The following CNTN6 variants were observed in gnomAD, a reference collection of about 807,000 sequenced individuals.
CNTN6 encodes the protein contactin-6.
A neutral mutation model predicts 122.8 loss-of-function variants in CNTN6; 137 were observed. That is an observed-to-expected ratio of 1.12 (90% CI 0.97 to 1.29). CNTN6 has a LOEUF of 1.29. CNTN6 is among the 50% of genes most tolerant of loss of function. The pLI is 0.00. For synonymous variants in CNTN6, 570 were observed against 426.0 expected (o/e 1.34, Z -4.16); for missense variants, 1,634 against 1,223.4 (o/e 1.34, Z -5.01).
At chr3:1,292,202 C>T (rs1695438752) in intron 5 of CNTN6, among the ~76,000 whole-genome samples, 1 of 152,098 alleles carries the variant, frequency 6.6e-6, no homozygotes, top group Admixed American at 6.6e-5. Context: ...GCCACGAGTC[C>T]TACTTTTGCC....
At chr3:1,317,408 A>G (rs1330691410) in intron 7 of CNTN6, among the ~76,000 whole-genome samples, 2 of 151,800 alleles carry the variant, frequency 1.3e-5, no homozygotes, top group Non-Finnish European at 2.9e-5. Context: ...ATACAGCAGG[A>G]AAATGACTCA....
chr3:1,390,899 T>G (rs1056530720), intron 20 of CNTN6, among the ~76,000 whole-genome samples: 12 of 150,756 alleles, frequency 8.0e-5, no homozygotes, highest in African/African-American at 2.9e-4. Context: ...GGAGCTGAAA[T>G]TGTGGCAATA....
intron 1 of CNTN6, among the ~76,000 whole-genome samples, chr3:1,104,184 C>A (rs1261626308): frequency 6.6e-6 from 1 of 152,050 alleles, no homozygotes. Flanking sequence ...GGGGGGCTAA[C>A]ATTGTTAATT....
chr3:1,193,626 G>A (rs1169865274), intron 2 of CNTN6, among the ~76,000 whole-genome samples: 1 of 151,780 alleles, frequency 6.6e-6, no homozygotes. Context: ...CTGTTTCTCT[G>A]GGCCTCCATT....
intron 5 of CNTN6, among the ~76,000 whole-genome samples, chr3:1,290,256 T>A (rs1695110098): frequency 6.6e-6 from 1 of 152,232 alleles, no homozygotes; most frequent in African/African-American, 2.4e-5. Context: ...TAGCAATAAG[T>A]ACTTTACAGT....
rs146147494 is a variant in CNTN6, at chr3:1,277,921, A to G, written c.359-492A>G. ...CTGCTTTGTAAAGGAATAAATCAAG[A>G]GAAAATTGAAAATACACTTTTTGTC... On this transcript the variant is annotated intron_variant, in intron 4 of 22. Coordinates refer to ENST00000446702, the MANE Select transcript of CNTN6 (RefSeq NM_001289080.2). Among the ~76,000 whole-genome samples, 105 of 152,332 alleles carry G rather than the reference A, an allele frequency of 6.9e-4. No individual in the cohort carries two copies. In the East Asian group the frequency reaches 0.019, roughly 27 times the overall value.
At chr3:1,356,309 T>C (rs1045042456) in intron 12 of CNTN6, among the ~76,000 whole-genome samples, 2 of 151,940 alleles carry the variant, frequency 1.3e-5, no homozygotes, top group Admixed American at 1.3e-4. Flanking sequence ...ATTGCTTCAG[T>C]GTTATTTTCA....
At chr3:1,268,606 CAAAAAAAAAAAA>C (rs71690299) in intron 4 of CNTN6, among the ~76,000 whole-genome samples, 1 of 99,528 alleles carries the variant, frequency 1.0e-5, no homozygotes, top group South Asian at 3.2e-4. Flanking sequence ...GACTCCGTCT[CAAAAAAAAAAAA>C]AAAAAATACA....
At chr3:1,388,250 G>A (rs1001641854) in intron 20 of CNTN6, among the ~76,000 whole-genome samples, 2 of 148,854 alleles carry the variant, frequency 1.3e-5, no homozygotes, top group Non-Finnish European at 3.0e-5. Flanking sequence ...GTGGGTCCCT[G>A]ACCCCTGACC....
chr3:1,131,034 G>T (rs958685473), intron 1 of CNTN6, among the ~76,000 whole-genome samples: 1 of 152,110 alleles, frequency 6.6e-6, no homozygotes, highest in African/African-American at 2.4e-5. Context: ...CTATCAGGTT[G>T]TTCCAGCGAA....
At chr3:1,163,271 A>T (rs2093175309) in intron 2 of CNTN6, among the ~76,000 whole-genome samples, 1 of 152,174 alleles carries the variant, frequency 6.6e-6, no homozygotes, top group South Asian at 2.1e-4. Flanking sequence ...GTTTCATCAA[A>T]CTTTTTCTGA....
At chr3:1,307,500 TAACATCTTACGTTATTATG>T (rs1698553630) in intron 7 of CNTN6, among the ~76,000 whole-genome samples, 1 of 152,142 alleles carries the variant, frequency 6.6e-6, no homozygotes, top group Non-Finnish European at 1.5e-5. Context: ...CCCTTGTTAC[TAACATCTTACGTTATTATG>T]ATGCATTTGT....
chr3:1,276,858 G>T (rs1692462557), intron 4 of CNTN6, among the ~76,000 whole-genome samples: 1 of 152,134 alleles, frequency 6.6e-6, no homozygotes. Flanking sequence ...CTATGTTTCT[G>T]CTCCAGCTAG....
intron 4 of CNTN6, among the ~76,000 whole-genome samples, chr3:1,278,200 T>C (rs767863169): frequency 6.6e-6 from 1 of 152,206 alleles, no homozygotes; most frequent in Non-Finnish European, 1.5e-5. Context: ...ATTGTCTTTA[T>C]CACATACTGT....
intron 5 of CNTN6, among the ~76,000 whole-genome samples, chr3:1,289,880 TAGCCAGGATGGTCTCGATCTC>T (rs1695011741): frequency 6.6e-6 from 1 of 152,144 alleles, no homozygotes; most frequent in Non-Finnish European, 1.5e-5. Flanking sequence ...TTCACCGTGT[TAGCCAGGATGGTCTCGATCTC>T]CTGACCTCGT....
At chr3:1,305,098 CCTT>C (rs1417758801) in intron 7 of CNTN6, among the ~76,000 whole-genome samples, 1 of 151,552 alleles carries the variant, frequency 6.6e-6, no homozygotes, top group Non-Finnish European at 1.5e-5. Flanking sequence ...GGTTTATACA[CCTT>C]ATTATTTTAT....
intron 2 of CNTN6, among the ~76,000 whole-genome samples, chr3:1,164,995 C>T (rs1350689535): frequency 6.6e-6 from 1 of 152,146 alleles, no homozygotes; most frequent in Non-Finnish European, 1.5e-5. Flanking sequence ...GGGTATTGGG[C>T]TGTAATAAGG....
chr3:1,368,830 T>G (rs368679473), intron 12 of CNTN6, among the ~76,000 whole-genome samples: 5 of 152,298 alleles, frequency 3.3e-5, no homozygotes, highest in South Asian at 4.1e-4. Flanking sequence ...ATAAATTATT[T>G]TAAAGCGAAA....
intron 6 of CNTN6, among the ~76,000 whole-genome samples, chr3:1,297,360 G>A (rs1559744811): frequency 6.6e-6 from 1 of 152,110 alleles, no homozygotes; most frequent in African/African-American, 2.4e-5. Flanking sequence ...CTGGTAGGCA[G>A]TGTATTTACA....
Sources: gnomAD v4.1 joint callset for allele counts (sites outside exome capture counted in the v4.1 genomes callset) on GRCh38, gnomAD v4.1.1 for gene constraint, MANE v1.5 for transcripts, NCBI Gene and HGNC (gene_info 2026-07-23, HGNC 2026-07-21) for gene names.